VWF: variants seen among roughly 807,000 people sequenced by gnomAD.
The protein encoded by VWF is von Willebrand factor.
Under a neutral mutation model 308.6 loss-of-function variants are expected in VWF, and 176 were observed. The observed-to-expected ratio is 0.57, with a 90% confidence interval of 0.50 to 0.65. The LOEUF is 0.65. Ranked by LOEUF, VWF falls within the 30% of genes least tolerant of loss-of-function variation. The probability of loss-of-function intolerance (pLI) is 0.00; values close to 1 mark genes in which losing one functional copy is unlikely to be tolerated. For synonymous variants in VWF, 1,385 were observed against 1,443.4 expected (o/e 0.96, Z 0.92); for missense variants, 3,146 against 3,648.2 (o/e 0.86, Z 3.55).
chr12:6,015,940 T>C (rs768140247), intron 31 of VWF, 149 bp downstream of exon 31: 55 of 994,414 alleles, frequency 5.5e-5, no homozygotes, highest in Non-Finnish European at 8.3e-5. Flanking sequence ...TTGGATAATT[T>C]CCTGCTGTTT....
At chr12:6,095,242 C>A in intron 6 of VWF, 1 of 648,696 alleles carries the variant, frequency 1.5e-6, no homozygotes, top group Non-Finnish European at 2.8e-6. Flanking sequence ...CACAAATGGA[C>A]TGAGACACTA....
rs1555073700 is a variant in VWF at position 6,092,614 on chromosome 12, T to TGAGAGA, written c.657+2845_657+2846insTCTCTC. ...CATGCCCAGCTAGTTAGTGAGTGAG[T>TGAGAGA]GAGAGTGTGTGTGTGTGTGTGTGTG... On this transcript the variant is annotated intron_variant, in intron 6 of 51. Coordinates refer to ENST00000261405, the MANE Select transcript of VWF (RefSeq NM_000552.5). Among the ~76,000 whole-genome samples the TGAGAGA allele has an allele frequency of 5.2e-3, 447 of 86,090 alleles. 11 individuals carry two copies. Among genetic ancestry groups the TGAGAGA allele is most frequent in the Middle Eastern group, 0.011 (2 of 190 alleles). The allele number at this position is 86,090 out of a possible 152,430, so 56.5% of individuals were successfully genotyped here. A position where few individuals can be genotyped will look rare whatever the true frequency, so the allele number is the denominator to read the frequency against.
chr12:6,028,588 G>C (rs1944220833), intron 22 of VWF, among the ~76,000 whole-genome samples: 1 of 152,204 alleles, frequency 6.6e-6, no homozygotes, highest in Non-Finnish European at 1.5e-5. Flanking sequence ...AGCCAGAAGA[G>C]AGGGGGGGAC....
At chr12:6,053,059 A>G (rs969200847) in intron 15 of VWF, among the ~76,000 whole-genome samples, 14 of 152,210 alleles carry the variant, frequency 9.2e-5, no homozygotes, top group African/African-American at 3.4e-4. Flanking sequence ...GCATGCAGAT[A>G]TGTATTATAA....
At position 6,098,292 on chromosome 12, in the gene VWF, A is replaced by C. The variant is rs1167966943; in HGVS notation, c.533-2708T>G. Among the ~76,000 whole-genome samples, 3 of 152,188 alleles carry C rather than the reference A, an allele frequency of 2.0e-5. No individual in the cohort carries two copies. The East Asian group carries it at 5.8e-4, about 29-fold the overall frequency. The stretch of plus-strand genomic sequence containing the variant: ...ATTACCAGAGTCCTGAATTTTTACC[A>C]ACAAACACCAACACAGTATAGACTT... On this transcript the variant is annotated intron_variant, in intron 5 of 51. Transcript: ENST00000261405.
At chr12:5,964,879 G>C (rs776969228) in intron 47 of VWF, among the ~76,000 whole-genome samples, 1 of 152,084 alleles carries the variant, frequency 6.6e-6, no homozygotes, top group Non-Finnish European at 1.5e-5. Flanking sequence ...ATAAGCCGAA[G>C]GGGGCAACAG....
intron 16 of VWF, 62 bp downstream of exon 16, chr12:6,052,481 G>A: frequency 1.2e-6 from 2 of 1,612,710 alleles, no homozygotes. Flanking sequence ...GGACTTGGGG[G>A]TCCCGTTTTC....
intron 18 of VWF, among the ~76,000 whole-genome samples, chr12:6,042,465 C>T (rs771469157): frequency 4.6e-5 from 7 of 152,322 alleles, no homozygotes; most frequent in South Asian, 4.1e-4. Flanking sequence ...GCAGGCGGCA[C>T]GCTGCGCACC....
At chr12:6,078,873 C>A (rs1283655199) in intron 6 of VWF, among the ~76,000 whole-genome samples, 1 of 152,174 alleles carries the variant, frequency 6.6e-6, no homozygotes, top group Non-Finnish European at 1.5e-5. Flanking sequence ...GAACAGTACT[C>A]CAGCACATTT....
Position 6,038,022 on chromosome 12 carries a change from T to C in VWF, c.2443-1531A>G, listed in dbSNP as rs1944357022. ...CCCAGCTGATGGGTCAGGATGACAG[T>C]GCAGGGCATAAGATGCAGGTTGACC... On this transcript the variant is annotated intron_variant, in intron 18 of 51. Coordinates refer to ENST00000261405, the MANE Select transcript of VWF (RefSeq NM_000552.5). Among the ~76,000 whole-genome samples, 5 of 152,162 alleles carry C rather than the reference T, an allele frequency of 3.3e-5. No homozygotes were observed. In the South Asian group the frequency reaches 1.0e-3, roughly 32 times the overall value.
chr12:6,094,367 G>T (rs114976192), intron 6 of VWF, among the ~76,000 whole-genome samples: 14,823 of 152,224 alleles, frequency 0.097, 1,538 homozygotes, highest in African/African-American at 0.26. Flanking sequence ...TTCCAGCTGA[G>T]CTGGTATAAG....
Position 6,072,316 on chromosome 12 carries a change from C to G in VWF, c.1109+15G>C, listed in dbSNP as rs752873941. 6.2e-7 allele frequency: 1 copy of G among 1,611,022 alleles called. No homozygotes were observed. Among genetic ancestry groups the G allele is most frequent in the Admixed American group, 1.7e-5 (1 of 60,018 alleles). Reference sequence around the variant, plus strand: ...CAGGCAGGTCTCCCAGAGCACGCTGCGCAGCCCCCATTACCAGGTGTTGCA... The same window carrying G: ...CAGGCAGGTCTCCCAGAGCACGCTGGGCAGCCCCCATTACCAGGTGTTGCA... On this transcript the variant is annotated intron_variant, in intron 9 of 51. Coordinates refer to ENST00000261405, the MANE Select transcript of VWF (RefSeq NM_000552.5).
At chr12:5,987,522 A>T (rs1943692124) in intron 38 of VWF, among the ~76,000 whole-genome samples, 1 of 152,216 alleles carries the variant, frequency 6.6e-6, no homozygotes, top group South Asian at 2.1e-4. Flanking sequence ...CACAGTGCCC[A>T]TCGTGGGCAG....
intron 28 of VWF, among the ~76,000 whole-genome samples, chr12:6,017,663 C>G (rs1944078225): frequency 6.6e-6 from 1 of 152,094 alleles, no homozygotes; most frequent in South Asian, 2.1e-4. Flanking sequence ...CTATTTTAAG[C>G]AAGTAGGTGC....
Position 6,064,282 on chromosome 12 carries a change from T to C in VWF, c.1396A>G (p.Met466Val), listed in dbSNP as rs201345218. Residue 466 changes from methionine (M) to valine (V), a missense_variant, in exon 12 of 52, where the codon ATG becomes GTG. This residue lies in a region of VWF where 1,304 missense variants were observed against 1,353.0 expected (regional missense o/e 0.96). Coordinates refer to ENST00000261405, the MANE Select transcript of VWF (RefSeq NM_000552.5). Reference sequence around the variant, plus strand: ...GGGAGCTGGACGTCCTGGCCATCCATGGCAACTCCTGCCCCATGCTTCAGT... The same window carrying C: ...GGGAGCTGGACGTCCTGGCCATCCACGGCAACTCCTGCCCCATGCTTCAGT... ...VKLKHGAGVA[M>V]DGQDVQLPLL... 5.6e-6 allele frequency: 9 copies of C among 1,614,016 alleles called. No individual in the cohort carries two copies. The African/African-American group carries it at 9.3e-5, about 17-fold the overall frequency.
At chr12:5,990,678 TC>T (rs1943729836) in intron 38 of VWF, among the ~76,000 whole-genome samples, 1 of 151,740 alleles carries the variant, frequency 6.6e-6, no homozygotes. Flanking sequence ...AGTATCACTG[TC>T]AAGCATGAAG....
intron 6 of VWF, among the ~76,000 whole-genome samples, chr12:6,092,620 T>TGAGAGTGAGAGTGAGAGAGAGTGA (rs1250915385): frequency 1.1e-5 from 1 of 89,678 alleles, no homozygotes; most frequent in African/African-American, 6.0e-5. Flanking sequence ...TGAGTGAGAG[T>TGAGAGTGAGAGTGAGAGAGAGTGA]GTGTGTGTGT....
intron 21 of VWF, among the ~76,000 whole-genome samples, chr12:6,030,252 ACCT>A (rs1380697558): frequency 6.6e-6 from 1 of 152,136 alleles, no homozygotes; most frequent in Non-Finnish European, 1.5e-5. Context: ...ATGTCTGCAC[ACCT>A]CCTGTTCAGC....
intron 13 of VWF, among the ~76,000 whole-genome samples, chr12:6,061,602 C>T (rs1388042739): frequency 6.6e-6 from 1 of 152,098 alleles, no homozygotes; most frequent in Non-Finnish European, 1.5e-5. Context: ...GCCCCTGCCA[C>T]CCAGGATTAT....
Sources: allele counts gnomAD v4.1 joint callset (sites outside exome capture counted in the v4.1 genomes callset), GRCh38; gene constraint gnomAD v4.1.1; regional missense constraint gnomAD v4.1.1; transcripts MANE v1.5; gene names NCBI Gene and HGNC (gene_info 2026-07-23, HGNC 2026-07-21).